The following RPS9 variants were observed in gnomAD, a reference collection of about 807,000 sequenced individuals.
The protein encoded by RPS9 is small ribosomal subunit protein uS4.
Under a neutral mutation model 16.9 loss-of-function variants are expected in RPS9, and 1 was observed. That is an observed-to-expected ratio of 0.06 (90% CI 0.02 to 0.28). RPS9 has a LOEUF of 0.28. RPS9 is among the 10% of genes least tolerant of loss of function. RPS9 has a pLI of 1.00. For missense variants in RPS9, 137 were observed against 273.2 expected (o/e 0.50, Z 3.51); for synonymous variants, 106 against 110.9 (o/e 0.96, Z 0.28).
chr19:54,201,517 T>C lies in RPS9; in HGVS notation c.128T>C (p.Val43Ala). 6.2e-7 allele frequency: 1 copy of C among 1,613,884 alleles called. No homozygotes were observed. Among genetic ancestry groups the C allele is most frequent in the Non-Finnish European group, 8.5e-7 (1 of 1,179,946 alleles). The change falls in exon 3 of 5, where the codon GTC becomes GCC. Residue 43 changes from valine (V) to alanine (A), a missense_variant. Val to Ala is a moderately conservative substitution (Grantham distance 64, BLOSUM62 0). This residue lies in a region of RPS9 where 64 missense variants were observed against 164.0 expected (regional missense o/e 0.39). Coordinates refer to ENST00000302907, the MANE Select transcript of RPS9 (RefSeq NM_001013.4). ...TATGGGCTCCGGAACAAACGTGAGG[T>C]CTGGAGGGTCAAATTTACCCTGGCC... Reference protein sequence around the residue: ...GEYGLRNKREVWRVKFTLAKI... With the variant: ...GEYGLRNKREAWRVKFTLAKI...
intron 3 of RPS9, chr19:54,203,152 T>C (rs2077119425): frequency 1.1e-6 from 1 of 936,898 alleles, no homozygotes. Flanking sequence ...GAGGACTTTC[T>C]GGACATAGAT....
Position 54,200,903 on chromosome 19 carries a change from T to G in RPS9, c.-26+15T>G. 8.1e-7 allele frequency: 1 copy of G among 1,239,194 alleles called. No individual in the cohort carries two copies. Among genetic ancestry groups the G allele is most frequent in the Non-Finnish European group, 1.0e-6 (1 of 985,438 alleles). The allele number at this position is 1,239,194 out of a possible 1,614,324, so 76.8% of individuals were successfully genotyped here. ...GGTTTGCTTAGGTGAGGTGCGGTGG[T>G]GTGCTTTTTCTCTAGGGTTTGGGTT... On this transcript the variant is annotated intron_variant, in intron 1 of 4. Transcript: ENST00000302907.
intron 3 of RPS9, among the ~76,000 whole-genome samples, chr19:54,203,772 C>G (rs1283277833): frequency 2.2e-5 from 2 of 92,206 alleles, no homozygotes; most frequent in East Asian, 7.8e-4. Flanking sequence ...AACACGAACT[C>G]CCCCCCCACC....
At chr19:54,203,610 G>A (rs1040459367) in intron 3 of RPS9, among the ~76,000 whole-genome samples, 1 of 151,972 alleles carries the variant, frequency 6.6e-6, no homozygotes, top group African/African-American at 2.4e-5. Flanking sequence ...CCATCTCTAC[G>A]AAAAATACAA....
At chr19:54,206,987 T>C (rs776213541) in intron 4 of RPS9, 6 of 435,812 alleles carry the variant, frequency 1.4e-5, no homozygotes, top group Non-Finnish European at 2.5e-5. Flanking sequence ...GAGCCTTGTG[T>C]GTCAATGCTT....
chr19:54,201,149 C>T lies in RPS9; in HGVS notation c.-25-11C>T, dbSNP rs377645443. 274 of 1,612,460 alleles carry T rather than the reference C, an allele frequency of 1.7e-4. 1 individual carries two copies. Among genetic ancestry groups the T allele is most frequent in the Non-Finnish European group, 2.2e-4 (256 of 1,179,874 alleles). The stretch of plus-strand genomic sequence containing the variant: ...TTGGATCCCTTACGCTCACACTTCT[C>T]TCCCGCGCAGGCGCAGACGGGGAAG... On this transcript the variant is annotated splice_polypyrimidine_tract_variant and intron_variant, in intron 1 of 4. Coordinates refer to ENST00000302907, the MANE Select transcript of RPS9 (RefSeq NM_001013.4).
chr19:54,203,270 G>T, intron 3 of RPS9: 1 of 985,284 alleles, frequency 1.0e-6, no homozygotes, highest in Non-Finnish European at 1.2e-6. Context: ...GTACACAGTT[G>T]TTCAGGTGAG....
chr19:54,207,288 T>A, intron 4 of RPS9, 110 bp from the exon 5 acceptor site: 1 of 894,980 alleles, frequency 1.1e-6, no homozygotes, highest in Non-Finnish European at 1.7e-6. Flanking sequence ...CGCCTTGGTG[T>A]CTGCAGCCGT....
In RPS9 at chr19:54,201,479, C is replaced by T. The variant is rs376480250; in HGVS notation, c.98-8C>T. 13 of 1,613,910 alleles carry T rather than the reference C, an allele frequency of 8.1e-6. No homozygotes were observed. The highest frequency in any genetic ancestry group is 6.7e-5 in the African/African-American group (5 of 74,908). ...GACTACACTTGTCCACCCCCTTCTC[C>T]CCACCAGGCGAGTATGGGCTCCGGA... On this transcript the variant is annotated splice_region_variant and splice_polypyrimidine_tract_variant and intron_variant, in intron 2 of 4. Transcript: ENST00000302907.
chr19:54,206,505 C>T (rs1364364347), intron 4 of RPS9, 43 bp downstream of exon 4: 5 of 1,610,502 alleles, frequency 3.1e-6, no homozygotes, highest in African/African-American at 1.3e-5. Context: ...CCACCTGCCC[C>T]TCTGATGGTT....
chr19:54,205,142 A>T (rs1016886211), intron 3 of RPS9, among the ~76,000 whole-genome samples: 1 of 152,006 alleles, frequency 6.6e-6, no homozygotes, highest in African/African-American at 2.4e-5. Context: ...ATAAGGAAAA[A>T]AGGTTGAGGT....
chr19:54,201,064 C>G, intron 1 of RPS9, 96 bp from the exon 2 acceptor site: 1 of 1,515,884 alleles, frequency 6.6e-7, no homozygotes, highest in Non-Finnish European at 8.8e-7. Context: ...GTTATTCTCG[C>G]GAGATCGGAT....
intron 3 of RPS9, chr19:54,202,094 T>C (rs1234953947): frequency 1.3e-5 from 2 of 155,508 alleles, no homozygotes; most frequent in Non-Finnish European, 2.9e-5. Flanking sequence ...CCATTTCGGC[T>C]TACTGCAACC....
At chr19:54,205,779 A>G (rs1340712328) in intron 3 of RPS9, among the ~76,000 whole-genome samples, 2 of 152,190 alleles carry the variant, frequency 1.3e-5, no homozygotes, top group East Asian at 1.9e-4. Flanking sequence ...GCAGTTTACT[A>G]TGAATGATGA....
At chr19:54,201,672 C>T (rs1294858953) in intron 3 of RPS9, 63 bp downstream of exon 3, 5 of 1,598,874 alleles carry the variant, frequency 3.1e-6, no homozygotes, top group Middle Eastern at 3.3e-4. Context: ...ATTCTCCCTT[C>T]TGTTGCCTCT....
chr19:54,202,337 C>T, intron 3 of RPS9: 5 of 719,168 alleles, frequency 7.0e-6, no homozygotes, highest in Non-Finnish European at 8.5e-6. Context: ...AGGCATGGGC[C>T]ACCAAGCCTG....
chr19:54,201,085 C>T (rs888989761), intron 1 of RPS9, 75 bp from the exon 2 acceptor site: 2 of 1,570,890 alleles, frequency 1.3e-6, no homozygotes, highest in Non-Finnish European at 1.7e-6. Flanking sequence ...CTGGGCTCCG[C>T]GAGGTTTTGG....
At chr19:54,203,209 G>T in intron 3 of RPS9, 3 of 946,156 alleles carry the variant, frequency 3.2e-6, no homozygotes, top group Non-Finnish European at 3.8e-6. Context: ...CGGTGCAGGT[G>T]TCTGAGGGTT....
chr19:54,204,870 C>A (rs192952851), intron 3 of RPS9, among the ~76,000 whole-genome samples: 2 of 152,054 alleles, frequency 1.3e-5, no homozygotes, highest in Admixed American at 6.6e-5. Context: ...TAAAAAAGAA[C>A]AAAAATTGAA....
Sources: allele counts gnomAD v4.1 joint callset (sites outside exome capture counted in the v4.1 genomes callset), GRCh38; gene constraint gnomAD v4.1.1; regional missense constraint gnomAD v4.1.1; transcripts MANE v1.5; gene names NCBI Gene and HGNC (gene_info 2026-07-23, HGNC 2026-07-21).